The following STARD13 variants were observed in gnomAD, a reference collection of about 807,000 sequenced individuals.
STARD13 encodes StAR related lipid transfer domain containing 13.
In STARD13, 62 loss-of-function variants were observed where a neutral mutation model predicts 106.4. The observed-to-expected ratio is 0.58, with a 90% CI of 0.48 to 0.72. The LOEUF is 0.72. Ranked by LOEUF, STARD13 falls within the 30% of genes least tolerant of loss-of-function variation. STARD13 has a pLI of 0.00. For missense variants in STARD13, 1,387 were observed against 1,424.0 expected, an observed-to-expected ratio of 0.97 and a Z score of 0.42; for synonymous variants, 565 against 553.0, an observed-to-expected ratio of 1.02 and a Z score of -0.31.
upstream of STARD13, among the ~76,000 whole-genome samples, chr13:33,353,048 G>T (rs553094611): frequency 6.6e-6 from 1 of 152,138 alleles, no homozygotes; most frequent in African/African-American, 2.4e-5. Flanking sequence ...CCTCACCTGT[G>T]TTGGGCTTTC....
At chr13:33,170,445 G>A (rs1883827532) in intron 1 of STARD13, among the ~76,000 whole-genome samples, 1 of 152,110 alleles carries the variant, frequency 6.6e-6, no homozygotes, top group African/African-American at 2.4e-5. Context: ...CATTTTTTAT[G>A]ACAGCAACAT....
chr13:33,363,966 T>C, the STARD13 span, among the ~76,000 whole-genome samples: 2 of 152,176 alleles, frequency 1.3e-5, no homozygotes, highest in Non-Finnish European at 2.9e-5. Flanking sequence ...AAAATGTACA[T>C]ACAAACACTT....
At chr13:33,165,674 C>A (rs1293480691) in intron 2 of STARD13, among the ~76,000 whole-genome samples, 1 of 152,218 alleles carries the variant, frequency 6.6e-6, no homozygotes, top group Non-Finnish European at 1.5e-5. Context: ...CTGCATTTTT[C>A]TAGCTCATCC....
intron 1 of STARD13, among the ~76,000 whole-genome samples, chr13:33,236,663 T>C (rs1468770061): frequency 6.6e-6 from 1 of 152,150 alleles, no homozygotes; most frequent in Non-Finnish European, 1.5e-5. Context: ...AGAGCAATCC[T>C]TATTATCTTG....
the STARD13 span, among the ~76,000 whole-genome samples, chr13:33,536,601 A>C: frequency 6.6e-6 from 1 of 152,220 alleles, no homozygotes; most frequent in African/African-American, 2.4e-5. Context: ...AACTGAAGTC[A>C]ATGTCTTATA....
the STARD13 span, among the ~76,000 whole-genome samples, chr13:33,499,914 G>A: frequency 4.0e-5 from 6 of 151,516 alleles, no homozygotes; most frequent in African/African-American, 4.9e-5. Flanking sequence ...ATAGGCACCT[G>A]CTGCTGTGCC....
intron 1 of STARD13, among the ~76,000 whole-genome samples, chr13:33,172,168 G>T (rs1884037071): frequency 6.6e-6 from 1 of 151,952 alleles, no homozygotes; most frequent in Non-Finnish European, 1.5e-5. Flanking sequence ...TAATATCTTT[G>T]GTTGACTGCT....
At chr13:33,593,203 G>A in the STARD13 span, among the ~76,000 whole-genome samples, 5 of 151,588 alleles carry the variant, frequency 3.3e-5, no homozygotes, top group Non-Finnish European at 7.4e-5. Flanking sequence ...TTTTATTTTT[G>A]ATACAGAGTC....
chr13:33,335,295 A>G (rs2077882763), intron 1 of STARD13: 2 of 152,270 alleles, frequency 1.3e-5, no homozygotes, highest in Non-Finnish European at 2.9e-5. Context: ...CAGGATCACC[A>G]TTAATCCCCA....
intron 1 of STARD13, among the ~76,000 whole-genome samples, chr13:33,186,736 G>GT (rs1885801922): frequency 6.6e-6 from 1 of 151,948 alleles, no homozygotes; most frequent in South Asian, 2.1e-4. Context: ...CAAATTGAGA[G>GT]TATTTGAGAT....
chr13:33,326,094 C>T (rs1594266073), intron 1 of STARD13, among the ~76,000 whole-genome samples: 1 of 151,888 alleles, frequency 6.6e-6, no homozygotes, highest in East Asian at 1.9e-4. Flanking sequence ...CTCTCTCTCT[C>T]CTCCAGAAAC....
the STARD13 span, among the ~76,000 whole-genome samples, chr13:33,649,091 C>G: frequency 6.6e-6 from 1 of 152,086 alleles, no homozygotes; most frequent in African/African-American, 2.4e-5. Context: ...CTGCGCCCAG[C>G]CTGTGATGCT....
the STARD13 span, among the ~76,000 whole-genome samples, chr13:33,540,261 G>A: frequency 6.8e-4 from 103 of 152,290 alleles, no homozygotes; most frequent in Non-Finnish European, 1.4e-3. Context: ...GGTTCCTAGT[G>A]ACCTTAGGTG....
the STARD13 span, among the ~76,000 whole-genome samples, chr13:33,490,882 A>G: frequency 1.3e-5 from 2 of 152,230 alleles, no homozygotes; most frequent in African/African-American, 2.4e-5. Flanking sequence ...GGCACCCACC[A>G]TTAGACATTA....
chr13:33,625,477 G>A, the STARD13 span, among the ~76,000 whole-genome samples: 2 of 152,138 alleles, frequency 1.3e-5, no homozygotes, highest in Non-Finnish European at 2.9e-5. Flanking sequence ...GGCTGAGGCA[G>A]GAGAATCACT....
intron 1 of STARD13, among the ~76,000 whole-genome samples, chr13:33,251,740 C>A (rs1312003614): frequency 1.3e-5 from 2 of 152,154 alleles, no homozygotes; most frequent in African/African-American, 2.4e-5. Flanking sequence ...TAGTTCCTCC[C>A]TTGATGGTAA....
intron 1 of STARD13, among the ~76,000 whole-genome samples, chr13:33,196,526 G>A (rs1291788731): frequency 6.6e-6 from 1 of 152,180 alleles, no homozygotes; most frequent in South Asian, 2.1e-4. Flanking sequence ...GGAGGGTGGC[G>A]ATTGTATAGT....
the STARD13 span, among the ~76,000 whole-genome samples, chr13:33,470,545 G>T: frequency 0.011 from 1,677 of 152,286 alleles, 31 homozygotes; most frequent in African/African-American, 0.038. Flanking sequence ...CACCAACAGT[G>T]TAAAAGCATT....
At chr13:33,233,409 C>T (rs889665013) in intron 1 of STARD13, among the ~76,000 whole-genome samples, 1 of 152,232 alleles carries the variant, frequency 6.6e-6, no homozygotes, top group East Asian at 1.9e-4. Context: ...CAGACTCAGT[C>T]ATTAGAGGAG....
Sources: gnomAD v4.1 joint callset for allele counts (sites outside exome capture counted in the v4.1 genomes callset) on GRCh38, gnomAD v4.1.1 for gene constraint, MANE v1.5 for transcripts, NCBI Gene and HGNC (gene_info 2026-07-23, HGNC 2026-07-21) for gene names.